Variants in LRRC4C observed in about 807,000 individuals in gnomAD.
The protein encoded by LRRC4C is leucine-rich repeat-containing protein 4C.
In LRRC4C, 5 loss-of-function variants were observed where a neutral mutation model predicts 33.6. That is an observed-to-expected ratio of 0.15 (90% confidence interval 0.08 to 0.31). The LOEUF (loss-of-function observed/expected upper bound fraction) is 0.31. Ranked by LOEUF, LRRC4C falls within the 10% of genes least tolerant of loss-of-function variation. The pLI is 1.00. For missense variants in LRRC4C, 560 were observed against 796.7 expected, an observed-to-expected ratio of 0.70 and a Z score of 3.58; for synonymous variants, 329 against 302.0, an observed-to-expected ratio of 1.09 and a Z score of -0.93.
chr11:41,218,450 A>C (rs1231473025), intron 1 of LRRC4C, among the ~76,000 whole-genome samples: 5 of 152,192 alleles, frequency 3.3e-5, no homozygotes, highest in African/African-American at 9.7e-5. Flanking sequence ...CCTGTGATGC[A>C]CTCACTGCAC....
chr11:40,352,816 C>T (rs1590408708), intron 3 of LRRC4C, among the ~76,000 whole-genome samples: 1 of 152,068 alleles, frequency 6.6e-6, no homozygotes, highest in East Asian at 1.9e-4. Flanking sequence ...AATATAGCTA[C>T]TTCATATCTG....
At chr11:40,723,863 C>T (rs1947154265) in intron 2 of LRRC4C, among the ~76,000 whole-genome samples, 1 of 152,018 alleles carries the variant, frequency 6.6e-6, no homozygotes, top group Non-Finnish European at 1.5e-5. Flanking sequence ...TTCAACAGAC[C>T]CATCTCTCAT....
intron 2 of LRRC4C, among the ~76,000 whole-genome samples, chr11:40,856,612 T>C (rs1036793472): frequency 3.9e-5 from 6 of 152,242 alleles, no homozygotes; most frequent in African/African-American, 7.2e-5. Flanking sequence ...GATAGAGTAT[T>C]CTTGGCATTG....
intron 3 of LRRC4C, among the ~76,000 whole-genome samples, chr11:40,465,147 A>G (rs919181630): frequency 6.6e-6 from 1 of 152,076 alleles, no homozygotes; most frequent in African/African-American, 2.4e-5. Flanking sequence ...GAATCCAGAA[A>G]TCAAGCCTCA....
At chr11:41,155,060 A>G (rs1944167514) in intron 1 of LRRC4C, among the ~76,000 whole-genome samples, 1 of 152,088 alleles carries the variant, frequency 6.6e-6, no homozygotes, top group South Asian at 2.1e-4. Flanking sequence ...AGAAAGTCCA[A>G]ATGGTAATTT....
At chr11:40,736,899 T>G (rs10742551) in intron 2 of LRRC4C, among the ~76,000 whole-genome samples, 116,561 of 149,414 alleles carry the variant, frequency 0.78, 45,621 homozygotes, top group Middle Eastern at 0.85. Flanking sequence ...GTTCTTTGTA[T>G]ATTCTGGATA....
intron 1 of LRRC4C, among the ~76,000 whole-genome samples, chr11:41,007,121 A>G (rs1434664402): frequency 6.6e-6 from 1 of 152,158 alleles, no homozygotes. Flanking sequence ...ATATGTTTCA[A>G]AAACCCTGTT....
chr11:40,642,022 T>C (rs1942152099), intron 3 of LRRC4C, among the ~76,000 whole-genome samples: 1 of 38,316 alleles, frequency 2.6e-5, no homozygotes, highest in Non-Finnish European at 5.4e-5. Flanking sequence ...CACAGGCTGC[T>C]TTTTTTTTTT....
intron 1 of LRRC4C, among the ~76,000 whole-genome samples, chr11:41,423,018 TAG>T (rs1954924809): frequency 6.6e-6 from 1 of 152,244 alleles, no homozygotes; most frequent in East Asian, 1.9e-4. Flanking sequence ...TGCTAAATTC[TAG>T]AGATGCAAAT....
At chr11:41,442,948 T>C (rs1271479111) in intron 1 of LRRC4C, among the ~76,000 whole-genome samples, 5 of 152,122 alleles carry the variant, frequency 3.3e-5, no homozygotes, top group Admixed American at 1.3e-4. Flanking sequence ...CATGTATGAT[T>C]CTCATTTAAC....
At chr11:41,265,807 C>T (rs1255392632) in intron 1 of LRRC4C, among the ~76,000 whole-genome samples, 1 of 151,890 alleles carries the variant, frequency 6.6e-6, no homozygotes, top group Non-Finnish European at 1.5e-5. Context: ...TATTACCTGC[C>T]TTCCTTAAAA....
At chr11:40,263,196 T>C (rs1273041497) in intron 4 of LRRC4C, among the ~76,000 whole-genome samples, 1 of 152,100 alleles carries the variant, frequency 6.6e-6, no homozygotes, top group African/African-American at 2.4e-5. Context: ...AGGGGAAATA[T>C]AGTACTGATT....
At chr11:40,566,013 A>G (rs181745466) in intron 3 of LRRC4C, among the ~76,000 whole-genome samples, 1 of 149,812 alleles carries the variant, frequency 6.7e-6, no homozygotes, top group Admixed American at 6.7e-5. Flanking sequence ...GCTACAATTC[A>G]TATTTCCATT....
At chr11:40,236,410 A>T (rs1865561317) in intron 5 of LRRC4C, among the ~76,000 whole-genome samples, 1 of 152,188 alleles carries the variant, frequency 6.6e-6, no homozygotes, top group Non-Finnish European at 1.5e-5. Flanking sequence ...ACTTTTAAAG[A>T]TTCAATCTTT....
intron 2 of LRRC4C, among the ~76,000 whole-genome samples, chr11:40,683,218 G>T (rs1944787964): frequency 6.6e-6 from 1 of 152,216 alleles, no homozygotes; most frequent in East Asian, 1.9e-4. Flanking sequence ...TCTTGCTGGG[G>T]ACCACTGGAT....
At chr11:40,796,722 C>T (rs1263243671) in intron 2 of LRRC4C, among the ~76,000 whole-genome samples, 2 of 145,280 alleles carry the variant, frequency 1.4e-5, no homozygotes, top group African/African-American at 5.2e-5. Context: ...CCTTGGCTCA[C>T]TGTAACCTCT....
intron 2 of LRRC4C, among the ~76,000 whole-genome samples, chr11:40,923,659 T>C (rs761246336): frequency 1.3e-5 from 2 of 152,210 alleles, no homozygotes; most frequent in Non-Finnish European, 2.9e-5. Context: ...ACAACTGATA[T>C]ATTGAAGTTT....
At chr11:41,379,586 T>C (rs571818225) in intron 1 of LRRC4C, among the ~76,000 whole-genome samples, 3 of 152,008 alleles carry the variant, frequency 2.0e-5, no homozygotes, top group Non-Finnish European at 2.9e-5. Flanking sequence ...CCTTAGAGAG[T>C]GGTCAAAAGT....
intron 3 of LRRC4C, among the ~76,000 whole-genome samples, chr11:40,349,997 T>A (rs1450315110): frequency 1.3e-5 from 2 of 152,128 alleles, no homozygotes; most frequent in African/African-American, 4.8e-5. Context: ...ATTAGTCCCT[T>A]GTCAGATGTA....
Sources: gnomAD v4.1 joint callset for allele counts (sites outside exome capture counted in the v4.1 genomes callset) on GRCh38, gnomAD v4.1.1 for gene constraint, MANE v1.5 for transcripts, NCBI Gene and HGNC (gene_info 2026-07-23, HGNC 2026-07-21) for gene names.